Variants in INPP5A observed in about 807,000 individuals in gnomAD.
INPP5A encodes inositol polyphosphate-5-phosphatase A, also known as 43 kDa inositol polyphosphate 5-phophatase.
INPP5A carries 14 observed loss-of-function variants against 65.2 expected under a neutral mutation model. The ratio of observed to expected loss-of-function variants is 0.21; its 90% CI spans 0.14 to 0.34. INPP5A has a LOEUF of 0.34. Among genes scored for constraint, INPP5A ranks in the 10% least tolerant of loss-of-function variants. The pLI, the probability that INPP5A is intolerant of heterozygous loss-of-function variation, is 1.00. For missense variants in INPP5A, 431 were observed against 545.6 expected, an observed-to-expected ratio of 0.79 and a Z score of 2.09; for synonymous variants, 207 against 208.3, an observed-to-expected ratio of 0.99 and a Z score of 0.05.
At position 132,538,224 on chromosome 10, in the gene INPP5A, C is replaced by T. The variant is rs977960895; in HGVS notation, c.75+53C>T. ...CCAAGCCCGGAACCCCCGACCCTGA[C>T]CCCGGGGTCCCGAACTGCAAGCCTT... On this transcript the variant is annotated intron_variant, in intron 1 of 15. Transcript: ENST00000368594. This position sits in a 1 kb window ranked among gnomAD's most constrained non-coding sequence, Gnocchi z 4.1. 1.4e-4 allele frequency: 151 copies of T among 1,096,044 alleles called. 1 individual carries two copies. Among genetic ancestry groups the T allele is most frequent in the Non-Finnish European group, 1.7e-4 (146 of 861,880 alleles). 67.9% of individuals were successfully genotyped at this position (1,096,044 alleles called of 1,614,324 possible). A position where few individuals can be genotyped will look rare whatever the true frequency, so the allele number is the denominator to read the frequency against.
rs993752518 is a variant in INPP5A at position 132,707,330 on chromosome 10, G to A, written c.475-983G>A. 2.7e-5 allele frequency among the ~76,000 whole-genome samples: 4 copies of A among 148,702 alleles called. No homozygotes were observed. The highest frequency in any genetic ancestry group is 4.5e-5 in the Non-Finnish European group (3 of 66,946). ...GCGGTGCCCTGCCCTGTTGGCTGCC[G>A]TTCCCCCGCCACTGCCTGAAGCGCT... On this transcript the variant is annotated intron_variant, in intron 6 of 15. Transcript: ENST00000368594. This position sits in a 1 kb window ranked among gnomAD's most constrained non-coding sequence, Gnocchi z 5.5.
At position 132,647,138 on chromosome 10, in the gene INPP5A, C is replaced by T. The variant is rs372276607; in HGVS notation, c.218+1170C>T. On this transcript the variant is annotated intron_variant, in intron 3 of 15. Coordinates refer to ENST00000368594, the MANE Select transcript of INPP5A (RefSeq NM_005539.5). ...TTCTTTTTTTTTTTTTGTTTTGAGACGGAGTCTCGCTCTGTTGCCCAGGCT... is the reference window on the plus strand; with the variant it reads ...TTCTTTTTTTTTTTTTGTTTTGAGATGGAGTCTCGCTCTGTTGCCCAGGCT... Among the ~76,000 whole-genome samples the T allele has an allele frequency of 2.2e-4, 32 of 146,260 alleles. No homozygotes were observed. In the East Asian group the frequency reaches 3.2e-3, roughly 15 times the overall value.
intron 2 of INPP5A, among the ~76,000 whole-genome samples, chr10:132,630,557 G>A (rs1652535049): frequency 6.6e-6 from 1 of 150,520 alleles, no homozygotes; most frequent in Non-Finnish European, 1.5e-5. Flanking sequence ...GTCCATGAGG[G>A]GAAGACATCC....
chr10:132,772,984 A>G (rs865903601), intron 12 of INPP5A, among the ~76,000 whole-genome samples: 14 of 152,228 alleles, frequency 9.2e-5, no homozygotes, highest in African/African-American at 3.4e-4. Context: ...TCCACAAGTG[A>G]GTTTAAAGCC....
intron 5 of INPP5A, among the ~76,000 whole-genome samples, chr10:132,695,350 C>T (rs1845329160): frequency 6.6e-6 from 1 of 152,128 alleles, no homozygotes; most frequent in Admixed American, 6.5e-5. Flanking sequence ...GGAAGTTCCT[C>T]AACCTGATAA....
intron 2 of INPP5A, among the ~76,000 whole-genome samples, chr10:132,628,867 AAGAAAT>A (rs1414071386): frequency 6.6e-6 from 1 of 152,232 alleles, no homozygotes; most frequent in Non-Finnish European, 1.5e-5. Flanking sequence ...AAAAAGCAAA[AAGAAAT>A]AGGTGAAATT....
chr10:132,607,448 A>G (rs968984461), intron 1 of INPP5A, among the ~76,000 whole-genome samples: 1 of 152,228 alleles, frequency 6.6e-6, no homozygotes, highest in Admixed American at 6.5e-5. Context: ...GAAATGCCAT[A>G]TGCGACCATG....
Position 132,604,033 on chromosome 10 carries a change from T to C in INPP5A, c.76-3882T>C, listed in dbSNP as rs1440030372. Among the ~76,000 whole-genome samples, 59 of 134,144 alleles carry C rather than the reference T, an allele frequency of 4.4e-4. 1 individual carries two copies. The highest frequency in any genetic ancestry group is 1.1e-3 in the African/African-American group (40 of 34,988). The allele number at this position is 134,144 out of a possible 152,430, so 88.0% of individuals were successfully genotyped here. ...AGGGTCCCCTCTCTGTCCCGCCCTG[T>C]GCCGTCAGGGTCCCCTCTCTGTCCC... On this transcript the variant is annotated intron_variant, in intron 1 of 15. Transcript: ENST00000368594.
rs2070986643 is a variant in INPP5A at position 132,547,218 on chromosome 10, T to C, written c.75+9047T>C. Among the ~76,000 whole-genome samples the C allele has an allele frequency of 6.6e-6, 1 of 152,214 alleles. No individual in the cohort carries two copies. Among genetic ancestry groups the C allele is most frequent in the African/African-American group, 2.4e-5 (1 of 41,460 alleles). On this transcript the variant is annotated intron_variant, in intron 1 of 15. Coordinates refer to ENST00000368594, the MANE Select transcript of INPP5A (RefSeq NM_005539.5). This position sits in a 1 kb window ranked among gnomAD's most constrained non-coding sequence, Gnocchi z 5.5. ...CCTGTCTGTGCCCAGGGAGTAGGAA[T>C]CCCACCTTGCATGGTGGCTCAGGGT...
chr10:132,668,250 T>G (rs1322374957), intron 4 of INPP5A, among the ~76,000 whole-genome samples: 1 of 152,110 alleles, frequency 6.6e-6, no homozygotes, highest in Non-Finnish European at 1.5e-5. Flanking sequence ...CTTTCTTAGG[T>G]GAAATGACAC....
At chr10:132,571,106 C>T (rs1407490466) in intron 1 of INPP5A, among the ~76,000 whole-genome samples, 1 of 152,274 alleles carries the variant, frequency 6.6e-6, no homozygotes, top group Non-Finnish European at 1.5e-5. Context: ...CTGCTGGGCC[C>T]TCCTCACCGT....
At position 132,559,574 on chromosome 10, in the gene INPP5A, A is replaced by G. The variant is rs532597482; in HGVS notation, c.75+21403A>G. 4.6e-5 allele frequency among the ~76,000 whole-genome samples: 7 copies of G among 152,324 alleles called. No homozygotes were observed. The South Asian group carries it at 1.4e-3, about 32-fold the overall frequency. The stretch of plus-strand genomic sequence containing the variant: ...GACCTGGATGTTTCATGCAAATGGA[A>G]TCAAACAGCGTGTGGCCTTCGCATC... On this transcript the variant is annotated intron_variant, in intron 1 of 15. Coordinates refer to ENST00000368594, the MANE Select transcript of INPP5A (RefSeq NM_005539.5).
At chr10:132,589,270 C>T (rs1369227147) in intron 1 of INPP5A, among the ~76,000 whole-genome samples, 3 of 152,244 alleles carry the variant, frequency 2.0e-5, no homozygotes, top group African/African-American at 7.2e-5. Context: ...GGCACCCACA[C>T]CCTGCAGGGC....
chr10:132,782,220 C>A lies in INPP5A; in HGVS notation c.*191C>A. The stretch of plus-strand genomic sequence containing the variant: ...AGCCTCACATACCTCACTGTCTCGT[C>A]TGTCTATGTGACATTAAGTAGAAAT... On this transcript the variant is annotated 3_prime_UTR_variant, in exon 16 of 16. Transcript: ENST00000368594. The surrounding 1 kb of genome is among the most constrained non-coding windows in gnomAD (Gnocchi z 4.4). The A allele has an allele frequency of 1.4e-6, 1 of 694,792 alleles. No individual in the cohort carries two copies. The highest frequency in any genetic ancestry group is 2.4e-6 in the Non-Finnish European group (1 of 417,914). 43.0% of individuals were successfully genotyped at this position (694,792 alleles called of 1,614,324 possible).
chr10:132,560,073 G>A (rs1483399459), intron 1 of INPP5A, among the ~76,000 whole-genome samples: 1 of 151,942 alleles, frequency 6.6e-6, no homozygotes, highest in South Asian at 2.1e-4. Flanking sequence ...GTGTAGACCT[G>A]CTTGTGGAAT....
At chr10:132,696,533 G>T (rs1845346694) in intron 5 of INPP5A, among the ~76,000 whole-genome samples, 1 of 152,206 alleles carries the variant, frequency 6.6e-6, no homozygotes, top group African/African-American at 2.4e-5. Flanking sequence ...CACAGAGGAG[G>T]CTGACACACC....
At chr10:132,744,790 C>T (rs1229984758) in intron 9 of INPP5A, among the ~76,000 whole-genome samples, 3 of 152,210 alleles carry the variant, frequency 2.0e-5, no homozygotes, top group Non-Finnish European at 4.4e-5. Flanking sequence ...TTCATGAGGC[C>T]GGGCTGTCCC....
chr10:132,684,093 G>A (rs1267991498), intron 4 of INPP5A, among the ~76,000 whole-genome samples: 1 of 152,158 alleles, frequency 6.6e-6, no homozygotes, highest in African/African-American at 2.4e-5. Flanking sequence ...TTGGTATCAC[G>A]CCATAGGACA....
rs1310889475 is a variant in INPP5A at position 132,781,866 on chromosome 10, G to A, written c.1164G>A (p.Val388=). ...GTCCTCTCTTCCTGCTGCAGCCCGT[G>A]TTCCTGGCCTTCCGAATCATGCCCG... The part of the protein sequence containing the change: ...PNVCMGDHKP[V]FLAFRIMPGA... The change falls in exon 15 of 16, where the codon GTG becomes GTA. Residue 388 remains valine, a synonymous_variant. Coordinates refer to ENST00000368594, the MANE Select transcript of INPP5A (RefSeq NM_005539.5). The A allele has an allele frequency of 6.2e-7, 1 of 1,613,590 alleles. No homozygotes were observed. The highest frequency in any genetic ancestry group is 8.5e-7 in the Non-Finnish European group (1 of 1,179,946).
Sources: gnomAD v4.1 joint callset for allele counts (sites outside exome capture counted in the v4.1 genomes callset) on GRCh38, gnomAD v4.1.1 for gene constraint, Gnocchi (gnomAD v3.1) non-coding constraint, MANE v1.5 for transcripts, NCBI Gene and HGNC (gene_info 2026-07-23, HGNC 2026-07-21) for gene names.